The following RBM25 variants were observed in gnomAD, a reference collection of about 807,000 sequenced individuals.
RBM25 encodes RNA binding motif protein 25, also known as RNA-binding protein 25.
A neutral mutation model predicts 120.7 loss-of-function variants in RBM25; 19 were observed. The observed-to-expected ratio is 0.16, with a 90% CI of 0.11 to 0.23. The LOEUF (loss-of-function observed/expected upper bound fraction) is 0.23. Ranked by LOEUF, RBM25 falls within the 10% of genes least tolerant of loss-of-function variation. RBM25 has a pLI of 1.00. For synonymous variants in RBM25, 390 were observed against 326.7 expected, an observed-to-expected ratio of 1.19 and a Z score of -2.09; for missense variants, 605 against 1,041.5, an observed-to-expected ratio of 0.58 and a Z score of 5.77.
Position 73,119,860 on chromosome 14 carries a change from G to A in RBM25, c.*55G>A. The A allele has an allele frequency of 6.4e-7, 1 of 1,550,930 alleles. No homozygotes were observed. Among genetic ancestry groups the A allele is most frequent in the Non-Finnish European group, 8.6e-7 (1 of 1,160,058 alleles). ...ATTTCTTCTTTGCCACCCTTTTAAG[G>A]ACTTTGAATTTTTCTTTGTCTTTGA... On this transcript the variant is annotated 3_prime_UTR_variant, in exon 19 of 19. Transcript: ENST00000261973.
In RBM25 at chr14:73,119,882, T is replaced by A; in HGVS notation, c.*77T>A. ...AAGGACTTTGAATTTTTCTTTGTCTTTGAAGACATTGTGAGATCTGTAATT... is the reference window on the plus strand; with the variant it reads ...AAGGACTTTGAATTTTTCTTTGTCTATGAAGACATTGTGAGATCTGTAATT... On this transcript the variant is annotated 3_prime_UTR_variant, in exon 19 of 19. Transcript: ENST00000261973. 6.5e-7 allele frequency: 1 copy of A among 1,531,552 alleles called. No homozygotes were observed. Among genetic ancestry groups the A allele is most frequent in the South Asian group, 1.3e-5 (1 of 79,738 alleles). The allele number at this position is 1,531,552 out of a possible 1,614,324, so 94.9% of individuals were successfully genotyped here. A position where few individuals can be genotyped will look rare whatever the true frequency, so the allele number is the denominator to read the frequency against.
At chr14:73,087,654 C>G (rs1895719952) in intron 5 of RBM25, among the ~76,000 whole-genome samples, 1 of 152,174 alleles carries the variant, frequency 6.6e-6, no homozygotes. Flanking sequence ...CTCGGCCTCC[C>G]AAAGTGCTGG....
chr14:73,113,143 C>T (rs1342733679), intron 17 of RBM25, among the ~76,000 whole-genome samples: 2 of 152,080 alleles, frequency 1.3e-5, no homozygotes, highest in Admixed American at 6.5e-5. Flanking sequence ...GCTCCCCACC[C>T]GCCGACAGGC....
chr14:73,082,377 G>A (rs1364438315), intron 4 of RBM25, among the ~76,000 whole-genome samples: 2 of 151,966 alleles, frequency 1.3e-5, no homozygotes, highest in Admixed American at 6.6e-5. Flanking sequence ...CTGCAGCCTC[G>A]ATTTCCTGGG....
chr14:73,086,094 C>T (rs1017221372), intron 5 of RBM25, among the ~76,000 whole-genome samples: 6 of 151,750 alleles, frequency 4.0e-5, no homozygotes, highest in African/African-American at 1.5e-4. Context: ...TAGAATCAGC[C>T]ATTTCTCCAG....
In RBM25 at chr14:73,113,274, A is replaced by G. The variant is rs181995219; in HGVS notation, c.2392-1012A>G. Among the ~76,000 whole-genome samples, 148 of 152,054 alleles carry G rather than the reference A, an allele frequency of 9.7e-4. 1 individual carries two copies. The highest frequency in any genetic ancestry group is 3.3e-3 in the African/African-American group (137 of 41,508). On this transcript the variant is annotated intron_variant, in intron 17 of 18. Transcript: ENST00000261973. ...CTAATTTTTTGTATTTTTAGTGGAG[A>G]TGGGGTTTCACCATGTTGGCCAGGC...
At chr14:73,066,362 G>A (rs965450181) in intron 1 of RBM25, among the ~76,000 whole-genome samples, 3 of 152,054 alleles carry the variant, frequency 2.0e-5, no homozygotes, top group East Asian at 3.9e-4. Context: ...AGGGCTGGGC[G>A]CAGTGGCTTA....
chr14:73,081,974 T>A (rs1034937482), intron 4 of RBM25, among the ~76,000 whole-genome samples: 1 of 152,230 alleles, frequency 6.6e-6, no homozygotes, highest in African/African-American at 2.4e-5. Flanking sequence ...GGTCACTTAC[T>A]TGGTGGGCCA....
intron 1 of RBM25, among the ~76,000 whole-genome samples, chr14:73,063,307 G>A (rs1041801582): frequency 1.3e-5 from 2 of 150,944 alleles, no homozygotes; most frequent in Non-Finnish European, 3.0e-5. Context: ...CTGCCACTAT[G>A]CCCGGCTAAA....
intron 4 of RBM25, among the ~76,000 whole-genome samples, chr14:73,078,187 C>T (rs1895469358): frequency 6.6e-6 from 1 of 152,094 alleles, no homozygotes; most frequent in Admixed American, 6.6e-5. Flanking sequence ...CCTGTAATCT[C>T]AGCTACTCGG....
In RBM25 at chr14:73,122,544, G is replaced by C. The variant is rs978876166; in HGVS notation, c.*2739G>C. 4 of 152,094 alleles carry C rather than the reference G, an allele frequency of 2.6e-5. No individual in the cohort carries two copies. The highest frequency in any genetic ancestry group is 6.6e-5 in the Admixed American group (1 of 15,262). 9.4% of individuals were successfully genotyped at this position (152,094 alleles called of 1,614,324 possible). A position where few individuals can be genotyped will look rare whatever the true frequency, so the allele number is the denominator to read the frequency against. ...ACCCGCCTCAGCCTCCCAAAGTGCT[G>C]GTATTACAGGCGTGAGCCACCTTGC... is the stretch of plus-strand genomic sequence containing the variant. On this transcript the variant is annotated 3_prime_UTR_variant, in exon 19 of 19. Coordinates refer to ENST00000261973, the MANE Select transcript of RBM25 (RefSeq NM_021239.3).
intron 13 of RBM25, among the ~76,000 whole-genome samples, chr14:73,108,554 T>G (rs1896238961): frequency 6.6e-6 from 1 of 152,216 alleles, no homozygotes; most frequent in African/African-American, 2.4e-5. Flanking sequence ...ATTCTAGTAT[T>G]TGTGACATTA....
chr14:73,066,893 TA>T (rs1895148820), intron 1 of RBM25, among the ~76,000 whole-genome samples: 1 of 152,100 alleles, frequency 6.6e-6, no homozygotes, highest in Non-Finnish European at 1.5e-5. Flanking sequence ...GAGGGAAATG[TA>T]AATTGAAATA....
intron 10 of RBM25, 30 bp from the exon 11 acceptor site, chr14:73,105,829 C>A (rs753560266): frequency 1.8e-5 from 28 of 1,594,864 alleles, no homozygotes; most frequent in East Asian, 4.5e-5. Context: ...AGTAGACTGA[C>A]AGATTTGTAA....
intron 18 of RBM25, among the ~76,000 whole-genome samples, chr14:73,116,075 T>G (rs911893054): frequency 1.3e-5 from 2 of 152,040 alleles, no homozygotes; most frequent in Non-Finnish European, 2.9e-5. Context: ...TGGAGTTGTT[T>G]TTTTTTTTAC....
At chr14:73,073,249 A>G (rs1031441401) in intron 2 of RBM25, among the ~76,000 whole-genome samples, 3 of 152,088 alleles carry the variant, frequency 2.0e-5, no homozygotes, top group Non-Finnish European at 4.4e-5. Flanking sequence ...TTTGGATTCA[A>G]CTACTCATTG....
intron 8 of RBM25, 55 bp downstream of exon 8, chr14:73,099,488 T>A (rs1217213104): frequency 6.3e-7 from 1 of 1,588,016 alleles, no homozygotes; most frequent in African/African-American, 1.4e-5. Context: ...GATTGTTGAT[T>A]TGTCATTCTT....
intron 1 of RBM25, among the ~76,000 whole-genome samples, chr14:73,067,243 A>G (rs1895160881): frequency 6.6e-6 from 1 of 151,280 alleles, no homozygotes; most frequent in Non-Finnish European, 1.5e-5. Context: ...CTAATCAGAT[A>G]CATATAGTTC....
At position 73,099,122 on chromosome 14, in the gene RBM25, A is replaced by G. The variant is rs569995972; in HGVS notation, c.730-258A>G. Among the ~76,000 whole-genome samples, 259 of 152,202 alleles carry G rather than the reference A, an allele frequency of 1.7e-3. 2 individuals are homozygous for G. The highest frequency in any genetic ancestry group is 5.7e-3 in the African/African-American group (238 of 41,524). On this transcript the variant is annotated intron_variant, in intron 7 of 18. Coordinates refer to ENST00000261973, the MANE Select transcript of RBM25 (RefSeq NM_021239.3). The stretch of plus-strand genomic sequence containing the variant: ...GGTAAATATTGTTGGTATGATTAGA[A>G]AGCCCTGCTACTATGAGAGCACCTT...
Sources: allele counts gnomAD v4.1 joint callset (sites outside exome capture counted in the v4.1 genomes callset), GRCh38; gene constraint gnomAD v4.1.1; transcripts MANE v1.5; gene names NCBI Gene and HGNC (gene_info 2026-07-23, HGNC 2026-07-21).